Variants in COL4A6 observed in about 807,000 individuals in gnomAD.
The protein encoded by COL4A6 is collagen type IV alpha 6 chain.
In COL4A6, 59 loss-of-function variants were observed where a neutral mutation model predicts 126.7. That is an observed-to-expected ratio of 0.47 (90% CI 0.38 to 0.58). COL4A6 has a LOEUF of 0.58. Ranked by LOEUF, COL4A6 falls within the 20% of genes least tolerant of loss-of-function variation. The pLI is 0.00. For synonymous variants in COL4A6, 547 were observed against 496.6 expected (o/e 1.10, Z -1.35); for missense variants, 1,285 against 1,337.3 (o/e 0.96, Z 0.61).
At chrX:108,273,237 T>C (rs759483166) in intron 3 of COL4A6, among the ~76,000 whole-genome samples, 3,272 of 110,128 alleles carry the variant, frequency 0.03, 118 homozygotes, top group African/African-American at 0.1. Context: ...AAAATGCTCA[T>C]CATCACTGGC....
At chrX:108,403,934 G>A (rs1004984315) in intron 2 of COL4A6, among the ~76,000 whole-genome samples, 1 of 111,377 alleles carries the variant, frequency 9.0e-6, no homozygotes, top group African/African-American at 3.3e-5. Flanking sequence ...GAACACTATC[G>A]ATCTGGGACC....
chrX:108,256,544 A>T (rs915773901), intron 3 of COL4A6, among the ~76,000 whole-genome samples: 1 of 111,660 alleles, frequency 9.0e-6, no homozygotes, highest in African/African-American at 3.3e-5. Context: ...AAGGTCACAC[A>T]TCTTAAGAGT....
At chrX:108,280,789 A>G (rs766856742) in intron 3 of COL4A6, among the ~76,000 whole-genome samples, 1 of 111,565 alleles carries the variant, frequency 9.0e-6, no homozygotes, top group Non-Finnish European at 1.9e-5. Flanking sequence ...CGAAAAGCTT[A>G]TCCACCATGA....
At chrX:108,289,642 G>T (rs2038109683) in intron 3 of COL4A6, among the ~76,000 whole-genome samples, 1 of 111,587 alleles carries the variant, frequency 9.0e-6, no homozygotes, top group Non-Finnish European at 1.9e-5. Flanking sequence ...ACATAGACTT[G>T]CAGGCAGCAA....
At chrX:108,309,311 C>T (rs1443188801) in intron 3 of COL4A6, among the ~76,000 whole-genome samples, 1 of 110,522 alleles carries the variant, frequency 9.0e-6, no homozygotes, top group Non-Finnish European at 1.9e-5. Flanking sequence ...AGTAGATAAG[C>T]TGGTGACGTA....
chrX:108,175,309 G>A, intron 29 of COL4A6, 94 bp from the exon 30 acceptor site: 1 of 1,011,548 alleles, frequency 9.9e-7, no homozygotes, highest in Admixed American at 3.5e-5. Context: ...TACCACCACA[G>A]CCCTCTTTTG....
chrX:108,166,805 TA>T (rs1260755049), intron 37 of COL4A6, among the ~76,000 whole-genome samples: 14 of 111,604 alleles, frequency 1.3e-4, no homozygotes, highest in African/African-American at 4.2e-4. Context: ...ATCCCCAGGG[TA>T]AAAATCTGAA....
chrX:108,306,175 T>C (rs2038622657), intron 3 of COL4A6, among the ~76,000 whole-genome samples: 1 of 112,012 alleles, frequency 8.9e-6, no homozygotes, highest in African/African-American at 3.2e-5. Context: ...AGGTGTCTTA[T>C]ATAGCAGGGC....
intron 2 of COL4A6, among the ~76,000 whole-genome samples, chrX:108,432,148 A>G (rs1030258265): frequency 1.8e-5 from 2 of 112,352 alleles, no homozygotes; most frequent in African/African-American, 6.5e-5. Context: ...ATAAAGCTGG[A>G]TGCACACAAT....
intron 3 of COL4A6, among the ~76,000 whole-genome samples, chrX:108,306,510 G>A (rs1471997891): frequency 1.8e-5 from 2 of 111,664 alleles, no homozygotes; most frequent in Non-Finnish European, 3.8e-5. Context: ...CCTAATTAAG[G>A]AGAAAATGGA....
intron 3 of COL4A6, among the ~76,000 whole-genome samples, chrX:108,293,452 C>T (rs1039618587): frequency 8.1e-5 from 9 of 111,430 alleles, no homozygotes; most frequent in African/African-American, 2.6e-4. Context: ...TGCCAACTGC[C>T]CACCCTGCCC....
rs774981826 is a variant in COL4A6, at chrX:108,165,452, G to A, written c.3726C>T (p.Pro1242=). 28 of 1,196,624 alleles carry A rather than the reference G, an allele frequency of 2.3e-5. No individual in the cohort carries two copies. In the South Asian group the frequency reaches 3.5e-4, roughly 15 times the overall value. ...AGGGCAAGGAGATGCCTGGGGCACC[G>A]GGGAGACCAGCAGGGCCCTGGAGAC... ...FPGLQGPAGL[P]GAPGISLPSL... Residue 1242 remains proline (P), a synonymous_variant, in exon 38 of 45, where the codon CCC becomes CCT. Coordinates refer to ENST00000334504, the MANE Select transcript of COL4A6 (RefSeq NM_033641.4).
At chrX:108,379,750 G>A (rs2040524241) in intron 2 of COL4A6, among the ~76,000 whole-genome samples, 1 of 109,902 alleles carries the variant, frequency 9.1e-6, no homozygotes, top group African/African-American at 3.3e-5. Context: ...CATACTAGTA[G>A]TATTATGACA....
At position 108,438,259 on chromosome X, in the gene COL4A6, A is replaced by C. The variant is rs2064310721; in HGVS notation, c.-63T>G. 3.5e-6 allele frequency: 4 copies of C among 1,151,695 alleles called. No homozygotes were observed. Among genetic ancestry groups the C allele is most frequent in the African/African-American group, 1.8e-5 (1 of 55,700 alleles). 94.9% of individuals were successfully genotyped at this position (1,151,695 alleles called of 1,213,427 possible). The stretch of plus-strand genomic sequence containing the variant: ...CTAAGCGGCTCCGCGGCCCGTGCTC[A>C]TCTGGGCTCTGCTGATGCTTGGAGG... On this transcript the variant is annotated 5_prime_UTR_variant, in exon 1 of 45. The change abolishes an upstream ATG in the 5' untranslated region. Transcript: ENST00000334504.
Position 108,205,490 on chromosome X carries a change from A to ATG in COL4A6, c.646-11_646-10insCA. On this transcript the variant is annotated splice_polypyrimidine_tract_variant and intron_variant, in intron 10 of 44. Transcript: ENST00000334504. Reference sequence around the variant, plus strand: ...CTAGCCCCATATTCCCCTAGGGAATAGGGATATAGGGAGGAAAAACAAAAT... The same window carrying ATG: ...CTAGCCCCATATTCCCCTAGGGAATATGGGGATATAGGGAGGAAAAACAAAAT... The ATG allele has an allele frequency of 8.5e-7, 1 of 1,179,275 alleles. No individual in the cohort carries two copies. Among genetic ancestry groups the ATG allele is most frequent in the African/African-American group, 1.8e-5 (1 of 56,824 alleles).
chrX:108,289,069 G>C (rs1405065947), intron 3 of COL4A6, among the ~76,000 whole-genome samples: 1 of 111,738 alleles, frequency 8.9e-6, no homozygotes, highest in East Asian at 2.8e-4. Context: ...AATTGTTCTA[G>C]ATTAATGGAG....
chrX:108,318,482 C>T (rs1209525346), intron 2 of COL4A6, among the ~76,000 whole-genome samples: 44 of 110,848 alleles, frequency 4.0e-4, no homozygotes, highest in Non-Finnish European at 6.8e-4. Flanking sequence ...ACCCCATTGT[C>T]TCAGCCCAAA....
At chrX:108,420,216 A>G (rs966619772) in intron 2 of COL4A6, among the ~76,000 whole-genome samples, 40 of 111,576 alleles carry the variant, frequency 3.6e-4, no homozygotes, top group Non-Finnish European at 7.3e-4. Context: ...ATGAGAAAAA[A>G]GTGTCATATC....
Position 108,411,939 on chromosome X carries a change from G to A in COL4A6, c.63+26003C>T, listed in dbSNP as rs752116370. On this transcript the variant is annotated intron_variant, in intron 2 of 44. Transcript: ENST00000334504. ...GGGATCAGAGGGAAGAAGAAAGAAA[G>A]GTTTATGGAAACTATGCAAGGGAGG... Among the ~76,000 whole-genome samples, 3 of 111,100 alleles carry A rather than the reference G, an allele frequency of 2.7e-5. No homozygotes were observed. The East Asian group carries it at 8.5e-4, about 31-fold the overall frequency.
Sources: allele counts gnomAD v4.1 joint callset (sites outside exome capture counted in the v4.1 genomes callset), GRCh38; gene constraint gnomAD v4.1.1; transcripts MANE v1.5; gene names NCBI Gene and HGNC (gene_info 2026-07-23, HGNC 2026-07-21).